Variants in CTNNA3 observed in about 807,000 individuals in gnomAD.
CTNNA3 encodes the protein catenin alpha-3.
Under a neutral mutation model 95.7 loss-of-function variants are expected in CTNNA3, and 76 were observed. The observed-to-expected ratio is 0.79, with a 90% CI of 0.66 to 0.96. CTNNA3 has a LOEUF of 0.96. Ranked by LOEUF, CTNNA3 falls within the 40% of genes least tolerant of loss-of-function variation. The pLI, the probability that CTNNA3 is intolerant of heterozygous loss-of-function variation, is 0.00. For synonymous variants in CTNNA3, 431 were observed against 374.4 expected, an observed-to-expected ratio of 1.15 and a Z score of -1.74; for missense variants, 1,191 against 1,089.8, an observed-to-expected ratio of 1.09 and a Z score of -1.31.
chr10:66,066,366 C>A (rs778673076), intron 15 of CTNNA3, among the ~76,000 whole-genome samples: 13 of 152,066 alleles, frequency 8.5e-5, no homozygotes, highest in Non-Finnish European at 1.8e-4. Flanking sequence ...CAGGCATATA[C>A]ATGTCTATGT....
intron 13 of CTNNA3, among the ~76,000 whole-genome samples, chr10:66,140,840 C>T (rs1422004706): frequency 6.6e-6 from 1 of 152,150 alleles, no homozygotes; most frequent in Non-Finnish European, 1.5e-5. Flanking sequence ...TTCTCTCTTA[C>T]TTTAGTCTAT....
At chr10:66,024,085 ATT>A (rs71474007) in intron 15 of CTNNA3, among the ~76,000 whole-genome samples, 19 of 87,746 alleles carry the variant, frequency 2.2e-4, no homozygotes, top group African/African-American at 6.9e-4. Context: ...TACCATACAC[ATT>A]TTTTTTTTTT....
At chr10:67,044,047 G>A (rs1333705611) in intron 7 of CTNNA3, among the ~76,000 whole-genome samples, 1 of 151,852 alleles carries the variant, frequency 6.6e-6, no homozygotes, top group African/African-American at 2.4e-5. Flanking sequence ...CATCACCCAG[G>A]TAGTAAACAT....
chr10:66,531,173 T>A (rs551627880), intron 10 of CTNNA3, among the ~76,000 whole-genome samples: 1 of 152,274 alleles, frequency 6.6e-6, no homozygotes, highest in East Asian at 1.9e-4. Flanking sequence ...TTGCTTGTGA[T>A]GATAAAACAA....
chr10:67,102,460 A>T (rs1050947886), intron 7 of CTNNA3, among the ~76,000 whole-genome samples: 1 of 151,810 alleles, frequency 6.6e-6, no homozygotes, highest in Non-Finnish European at 1.5e-5. Flanking sequence ...TATTTAGGGT[A>T]AATTTCACAT....
In CTNNA3 at chr10:66,385,921, A is replaced by G. The variant is rs192945021; in HGVS notation, c.1532-6569T>C. ...TCATGCTAAAAACTCTCAATAAACT[A>G]GGTATTGATGGGACATATCTCACAA... On this transcript the variant is annotated intron_variant, in intron 11 of 17. Coordinates refer to ENST00000433211, the MANE Select transcript of CTNNA3 (RefSeq NM_013266.4). 2.5e-3 allele frequency among the ~76,000 whole-genome samples: 385 copies of G among 152,344 alleles called. 4 individuals are homozygous for G. The highest frequency in any genetic ancestry group is 0.014 in the Middle Eastern group (4 of 294).
At chr10:66,933,336 C>T (rs181040313) in intron 7 of CTNNA3, among the ~76,000 whole-genome samples, 294 of 152,234 alleles carry the variant, frequency 1.9e-3, no homozygotes, top group Non-Finnish European at 3.8e-3. Flanking sequence ...ATAAAGACAC[C>T]GACCAGCGAA....
chr10:66,818,731 G>GT (rs572738839), intron 7 of CTNNA3, among the ~76,000 whole-genome samples: 3 of 151,394 alleles, frequency 2.0e-5, no homozygotes, highest in Non-Finnish European at 2.9e-5. Flanking sequence ...TGTTTTGTGG[G>GT]TTTTTTTCAG....
intron 10 of CTNNA3, among the ~76,000 whole-genome samples, chr10:66,606,031 G>A (rs542430875): frequency 1.3e-5 from 2 of 151,004 alleles, no homozygotes; most frequent in Admixed American, 6.6e-5. Context: ...AACCAAGACT[G>A]ATTTCACATG....
chr10:66,008,877 G>A (rs1455988526), intron 15 of CTNNA3, among the ~76,000 whole-genome samples: 1 of 152,060 alleles, frequency 6.6e-6, no homozygotes, highest in Non-Finnish European at 1.5e-5. Flanking sequence ...TGAGGTGGGT[G>A]GATCATGAGG....
chr10:66,379,349 C>A lies in CTNNA3; in HGVS notation c.1535G>T (p.Ser512Ile). ...SIDDFLAVSE[S>I]HILEDVNKCI... Reference sequence around the variant, plus strand: ...CTTGTTGACATCTTCCAAGATATGGCTTTCTGTAAGTAAATGAATCAAATT... The same window carrying A: ...CTTGTTGACATCTTCCAAGATATGGATTTCTGTAAGTAAATGAATCAAATT... The change falls in exon 12 of 18, where the codon AGC becomes ATC. Residue 512 changes from serine (S) to isoleucine (I), a missense_variant. By Grantham distance (142) the Ser-to-Ile change is moderately radical. Transcript: ENST00000433211. 1 of 1,613,170 alleles carries A rather than the reference C, an allele frequency of 6.2e-7. No homozygotes were observed. Among genetic ancestry groups the A allele is most frequent in the Non-Finnish European group, 8.5e-7 (1 of 1,179,194 alleles).
intron 1 of CTNNA3, among the ~76,000 whole-genome samples, chr10:67,743,071 G>T (rs1488713837): frequency 1.3e-5 from 2 of 151,212 alleles, no homozygotes; most frequent in Admixed American, 6.6e-5. Context: ...TCTACCAGAG[G>T]TACAAACAGG....
intron 5 of CTNNA3, among the ~76,000 whole-genome samples, chr10:67,349,949 A>G (rs1002929777): frequency 6.6e-6 from 1 of 152,256 alleles, no homozygotes; most frequent in Non-Finnish European, 1.5e-5. Flanking sequence ...CAGGGCACTC[A>G]GTATATCAGC....
At chr10:67,627,723 G>A (rs1357514491) in intron 2 of CTNNA3, among the ~76,000 whole-genome samples, 1 of 151,934 alleles carries the variant, frequency 6.6e-6, no homozygotes, top group Non-Finnish European at 1.5e-5. Context: ...AAAAACTGAT[G>A]AAACATCTTT....
intron 10 of CTNNA3, among the ~76,000 whole-genome samples, chr10:66,608,895 A>C (rs1171829024): frequency 6.6e-6 from 1 of 152,120 alleles, no homozygotes; most frequent in African/African-American, 2.4e-5. Context: ...ATTTCATGAC[A>C]AAGACACTAA....
intron 5 of CTNNA3, among the ~76,000 whole-genome samples, chr10:67,434,157 C>T (rs530164398): frequency 6.6e-6 from 1 of 151,926 alleles, no homozygotes; most frequent in South Asian, 2.1e-4. Flanking sequence ...CCTAAAAGAA[C>T]AAAAGAGCCA....
chr10:67,410,335 C>A (rs1845316068), intron 5 of CTNNA3, among the ~76,000 whole-genome samples: 1 of 151,970 alleles, frequency 6.6e-6, no homozygotes. Flanking sequence ...GGGAACAACA[C>A]ACACTGGGTC....
intron 1 of CTNNA3, chr10:67,750,870 G>A (rs1841403325): frequency 6.2e-7 from 1 of 1,610,904 alleles, no homozygotes; most frequent in South Asian, 1.1e-5. Context: ...AGGAGAAACT[G>A]ATCCAGTACT....
intron 1 of CTNNA3, among the ~76,000 whole-genome samples, chr10:67,719,668 T>C (rs749269746): frequency 7.2e-5 from 11 of 152,120 alleles, no homozygotes; most frequent in Non-Finnish European, 1.3e-4. Flanking sequence ...TGAGAGACTG[T>C]TTGTTATGAT....
Sources: gnomAD v4.1 joint callset for allele counts (sites outside exome capture counted in the v4.1 genomes callset) on GRCh38, gnomAD v4.1.1 for gene constraint, MANE v1.5 for transcripts, NCBI Gene and HGNC (gene_info 2026-07-23, HGNC 2026-07-21) for gene names.